Variants in KCNK2 observed in about 807,000 individuals in gnomAD.
KCNK2 encodes the protein potassium two pore domain channel subfamily K member 2, also known as potassium channel subfamily K member 2.
Under a neutral mutation model 40.5 loss-of-function variants are expected in KCNK2, and 21 were observed. The ratio of observed to expected loss-of-function variants is 0.52; its 90% confidence interval spans 0.37 to 0.75. The LOEUF (loss-of-function observed/expected upper bound fraction) is 0.75. Among genes scored for constraint, KCNK2 ranks in the 30% least tolerant of loss-of-function variants. The pLI is 0.00. For synonymous variants in KCNK2, 191 were observed against 202.2 expected, an observed-to-expected ratio of 0.94 and a Z score of 0.47; for missense variants, 399 against 531.6, an observed-to-expected ratio of 0.75 and a Z score of 2.45.
intron 1 of KCNK2, among the ~76,000 whole-genome samples, chr1:215,018,069 GA>G (rs1382364167): frequency 2.0e-5 from 3 of 152,074 alleles, no homozygotes; most frequent in Non-Finnish European, 4.4e-5. Context: ...GCACAATTGA[GA>G]ACATATATAA....
rs1665281061 is a variant in KCNK2, at chr1:215,205,536, T to A, written c.963+10444T>A. ...GGGATTACAGGCGTGAGCCACTGTGTCCGGCTGGGAAGAAGATTTAATTGC... is the reference window on the plus strand; with the variant it reads ...GGGATTACAGGCGTGAGCCACTGTGACCGGCTGGGAAGAAGATTTAATTGC... On this transcript the variant is annotated intron_variant, in intron 6 of 6. Coordinates refer to ENST00000444842, the MANE Select transcript of KCNK2 (RefSeq NM_001017425.3). 2.0e-5 allele frequency among the ~76,000 whole-genome samples: 3 copies of A among 152,128 alleles called. No homozygotes were observed. In the South Asian group the frequency reaches 6.2e-4, roughly 31 times the overall value.
At chr1:215,233,524 ACATAT>A (rs1666759291) in intron 6 of KCNK2, among the ~76,000 whole-genome samples, 1 of 152,166 alleles carries the variant, frequency 6.6e-6, no homozygotes, top group African/African-American at 2.4e-5. Context: ...AAGTATGTGT[ACATAT>A]CATATTATAA....
At chr1:215,137,748 G>C (rs182728794) in intron 3 of KCNK2, among the ~76,000 whole-genome samples, 38 of 152,200 alleles carry the variant, frequency 2.5e-4, no homozygotes, top group Non-Finnish European at 4.6e-4. Flanking sequence ...AAACTCAAAA[G>C]GATAATGTAT....
intron 5 of KCNK2, among the ~76,000 whole-genome samples, chr1:215,181,451 T>C (rs1452914073): frequency 1.3e-5 from 2 of 152,196 alleles, no homozygotes; most frequent in Non-Finnish European, 2.9e-5. Context: ...CCAGAATTCT[T>C]GCCCTGGTTC....
chr1:215,106,186 A>T (rs1427349483), intron 2 of KCNK2, among the ~76,000 whole-genome samples: 2 of 152,218 alleles, frequency 1.3e-5, no homozygotes, highest in South Asian at 2.1e-4. Context: ...CGGTGACTGA[A>T]CTAATTTACA....
At chr1:215,197,156 A>G (rs1664898673) in intron 6 of KCNK2, among the ~76,000 whole-genome samples, 1 of 152,236 alleles carries the variant, frequency 6.6e-6, no homozygotes, top group South Asian at 2.1e-4. Flanking sequence ...GGTATAGAAT[A>G]TCTGCTTAAA....
chr1:215,007,101 A>G (rs1209871256), intron 1 of KCNK2, among the ~76,000 whole-genome samples: 6 of 131,914 alleles, frequency 4.5e-5, no homozygotes, highest in African/African-American at 1.7e-4. Flanking sequence ...ATATATATGT[A>G]TATATATGTG....
chr1:215,052,057 A>C (rs1658008968), intron 1 of KCNK2, among the ~76,000 whole-genome samples: 1 of 152,210 alleles, frequency 6.6e-6, no homozygotes, highest in Non-Finnish European at 1.5e-5. Flanking sequence ...GTGATATTGC[A>C]GTGAATAATA....
intron 1 of KCNK2, among the ~76,000 whole-genome samples, chr1:215,019,642 G>C (rs1182439621): frequency 6.6e-6 from 1 of 152,142 alleles, no homozygotes; most frequent in African/African-American, 2.4e-5. Flanking sequence ...TATGTTATTG[G>C]AATTAGAGGG....
intron 2 of KCNK2, among the ~76,000 whole-genome samples, chr1:215,114,777 T>G (rs942367046): frequency 6.6e-6 from 1 of 152,160 alleles, no homozygotes; most frequent in Non-Finnish European, 1.5e-5. Flanking sequence ...AAGTTTTACC[T>G]GGAGCCTAAA....
chr1:215,224,997 G>A (rs1449019275), intron 6 of KCNK2, among the ~76,000 whole-genome samples: 1 of 152,068 alleles, frequency 6.6e-6, no homozygotes, highest in Non-Finnish European at 1.5e-5. Context: ...TTTATTTAGG[G>A]CTGGATATGC....
chr1:215,174,182 T>C (rs1663848641), intron 5 of KCNK2, among the ~76,000 whole-genome samples: 1 of 152,074 alleles, frequency 6.6e-6, no homozygotes, highest in African/African-American at 2.4e-5. Context: ...TTCAGCTTTC[T>C]ACATATGGCT....
At chr1:215,163,464 G>A (rs1353394257) in intron 3 of KCNK2, among the ~76,000 whole-genome samples, 2 of 152,092 alleles carry the variant, frequency 1.3e-5, no homozygotes, top group African/African-American at 4.8e-5. Flanking sequence ...TGTTGAATAG[G>A]AGTGGTGAGA....
rs371314482 is a variant in KCNK2 at position 215,049,787 on chromosome 1, A to G, written c.35-36581A>G. On this transcript the variant is annotated intron_variant, in intron 1 of 6. Transcript: ENST00000391895. Reference sequence around the variant, plus strand: ...TCCTTCTCCATGAAGTTGCTTTTACATCTTTGTGAAAAATTAGTTGGGGCT... The same window carrying G: ...TCCTTCTCCATGAAGTTGCTTTTACGTCTTTGTGAAAAATTAGTTGGGGCT... Among the ~76,000 whole-genome samples the G allele has an allele frequency of 5.5e-4, 84 of 152,108 alleles. 1 individual carries two copies. Among genetic ancestry groups the G allele is most frequent in the African/African-American group, 1.9e-3 (79 of 41,430 alleles).
chr1:215,036,687 C>A (rs991448171), intron 1 of KCNK2, among the ~76,000 whole-genome samples: 6 of 151,788 alleles, frequency 4.0e-5, no homozygotes, highest in African/African-American at 1.5e-4. Context: ...TTACTTAAAT[C>A]TTTGCTGCTT....
intron 2 of KCNK2, among the ~76,000 whole-genome samples, chr1:215,119,811 T>C (rs1661102025): frequency 6.6e-6 from 1 of 152,192 alleles, no homozygotes; most frequent in African/African-American, 2.4e-5. Flanking sequence ...TATTCGGTGA[T>C]TATGTTACTT....
In KCNK2 at chr1:215,169,331, G is replaced by C; in HGVS notation, c.608G>C (p.Gly203Ala). 1.2e-6 allele frequency: 2 copies of C among 1,612,388 alleles called. No individual in the cohort carries two copies. The highest frequency in any genetic ancestry group is 1.7e-5 in the Admixed American group (1 of 59,670). The change falls in exon 4 of 7, where the codon GGA becomes GCA. Residue 203 changes from glycine to alanine, a missense_variant. By Grantham distance (60) the Gly-to-Ala change is moderately conservative. This residue lies in a region of KCNK2 where 279 missense variants were observed against 353.8 expected (regional missense o/e 0.79). Coordinates refer to ENST00000444842, the MANE Select transcript of KCNK2 (RefSeq NM_001017425.3). Reference protein sequence around the residue: ...GDQLGTIFGKGIAKVEDTFIK... With the variant: ...GDQLGTIFGKAIAKVEDTFIK... ...CAGCTAGGCACCATATTTGGAAAAG[G>C]AATTGCCAAAGTGGAAGATACGTTT...
At chr1:215,078,235 T>C (rs535430969), upstream of KCNK2, among the ~76,000 whole-genome samples, 1 of 152,270 alleles carries the variant, frequency 6.6e-6, no homozygotes, top group African/African-American at 2.4e-5. Context: ...CTGGACAAGA[T>C]TGTATTATAG....
Position 215,033,693 on chromosome 1 carries a change from C to T in KCNK2, c.34+27738C>T, listed in dbSNP as rs544873581. Among the ~76,000 whole-genome samples the T allele has an allele frequency of 5.8e-4, 89 of 152,186 alleles. 1 individual carries two copies. The highest frequency in any genetic ancestry group is 2.0e-3 in the African/African-American group (84 of 41,530). On this transcript the variant is annotated intron_variant, in intron 1 of 6. Coordinates refer to the KCNK2 transcript ENST00000391895. ...CTGGAGTTGCTTATTTCTCTTCTTC[C>T]ATGTGGAAGGATAGAGGGGTCTGGG...
Sources: allele counts gnomAD v4.1 joint callset (sites outside exome capture counted in the v4.1 genomes callset), GRCh38; gene constraint gnomAD v4.1.1; regional missense constraint gnomAD v4.1.1; transcripts MANE v1.5; gene names NCBI Gene and HGNC (gene_info 2026-07-23, HGNC 2026-07-21).